IGFL2: variants seen among roughly 807,000 people sequenced by gnomAD.
IGFL2 encodes the protein IGF like family member 2, also known as insulin growth factor-like family member 2.
Under a neutral mutation model 13.9 loss-of-function variants are expected in IGFL2, and 7 were observed. The observed-to-expected ratio is 0.51, with a 90% confidence interval of 0.29 to 0.95. The LOEUF (loss-of-function observed/expected upper bound fraction) is 0.95, where lower values mean the gene tolerates loss of function less well. IGFL2 is among the 40% of genes least tolerant of loss of function. IGFL2 has a pLI of 0.08. For missense variants in IGFL2, 138 were observed against 147.8 expected (o/e 0.93, Z 0.34); for synonymous variants, 55 against 55.8 (o/e 0.99, Z 0.07).
the IGFL2 span, among the ~76,000 whole-genome samples, chr19:46,176,609 C>T: frequency 6.6e-6 from 1 of 152,282 alleles, no homozygotes; most frequent in African/African-American, 2.4e-5. Context: ...GGCATCTGAA[C>T]CTGGAATAAC....
chr19:46,110,455 T>C, the IGFL2 span, among the ~76,000 whole-genome samples: 11 of 152,358 alleles, frequency 7.2e-5, no homozygotes, highest in African/African-American at 2.4e-4. Context: ...GGTTTTATGA[T>C]ACATCAAAAA....
At chr19:46,079,036 A>C in the IGFL2 span, among the ~76,000 whole-genome samples, 1 of 28,368 alleles carries the variant, frequency 3.5e-5, no homozygotes, top group Non-Finnish European at 6.7e-5. Context: ...AGGCGTCGTC[A>C]GTAGACATCG....
downstream of IGFL2, among the ~76,000 whole-genome samples, chr19:46,161,578 A>G (rs1974175565): frequency 6.6e-6 from 1 of 152,134 alleles, no homozygotes; most frequent in Admixed American, 6.5e-5. Flanking sequence ...CCATTATGTG[A>G]TGCCCTTCTT....
the IGFL2 span, chr19:46,197,148 G>T: frequency 4.4e-6 from 1 of 228,738 alleles, no homozygotes; most frequent in South Asian, 6.5e-5. Context: ...GGGACCCAGA[G>T]GGGTGGAACT....
chr19:46,108,934 C>T, the IGFL2 span, among the ~76,000 whole-genome samples: 3 of 152,164 alleles, frequency 2.0e-5, no homozygotes, highest in East Asian at 1.9e-4. Flanking sequence ...GTGAAAAGAC[C>T]GCTTACCTGA....
At chr19:46,157,682 A>G (rs1973898785) in intron 1 of IGFL2, among the ~76,000 whole-genome samples, 1 of 152,250 alleles carries the variant, frequency 6.6e-6, no homozygotes, top group Middle Eastern at 3.2e-3. Flanking sequence ...ATAATAAGTA[A>G]TGGTGAAAAA....
chr19:46,094,039 T>TTA, the IGFL2 span, among the ~76,000 whole-genome samples: 4 of 150,180 alleles, frequency 2.7e-5, no homozygotes, highest in Non-Finnish European at 5.9e-5. Context: ...GGAGGATTTT[T>TTA]TTTTTTTTTT....
the IGFL2 span, among the ~76,000 whole-genome samples, chr19:46,193,496 A>G: frequency 3.9e-5 from 6 of 152,192 alleles, no homozygotes; most frequent in Non-Finnish European, 1.5e-5. Context: ...AAGAGTAGTG[A>G]TGCTGGCAAT....
upstream of IGFL2, among the ~76,000 whole-genome samples, chr19:46,143,647 G>A (rs1037124441): frequency 4.6e-5 from 7 of 152,116 alleles, no homozygotes; most frequent in African/African-American, 1.4e-4. Context: ...TCCACACATT[G>A]TTCAAGAGTC....
chr19:46,115,656 T>C, the IGFL2 span, among the ~76,000 whole-genome samples: 2 of 152,154 alleles, frequency 1.3e-5, no homozygotes, highest in African/African-American at 4.8e-5. Flanking sequence ...CCCGACTCTC[T>C]GTGTAATTTA....
chr19:46,090,913 C>T, the IGFL2 span, among the ~76,000 whole-genome samples: 807 of 152,190 alleles, frequency 5.3e-3, 8 homozygotes, highest in Non-Finnish European at 5.0e-3. Flanking sequence ...TATTAGGGTC[C>T]AAGGCAAAAT....
chr19:46,136,780 C>T, the IGFL2 span: 4 of 646,208 alleles, frequency 6.2e-6, no homozygotes, highest in Non-Finnish European at 1.2e-5. Context: ...TCTGTCTCTC[C>T]AACCCGTTTG....
At chr19:46,160,373 C>T in intron 1 of IGFL2, 42 bp from the exon 2 acceptor site, 1 of 1,581,632 alleles carries the variant, frequency 6.3e-7, no homozygotes, top group East Asian at 2.3e-5. Context: ...CTAGTGGCCA[C>T]ACTTCCAGCC....
At chr19:46,189,656 C>T in the IGFL2 span, 1 of 152,414 alleles carries the variant, frequency 6.6e-6, no homozygotes, top group African/African-American at 2.4e-5. Flanking sequence ...ATAGAAGGCT[C>T]ACACTCTTGT....
At chr19:46,157,959 T>C (rs1352473613) in intron 1 of IGFL2, among the ~76,000 whole-genome samples, 1 of 152,124 alleles carries the variant, frequency 6.6e-6, no homozygotes, top group African/African-American at 2.4e-5. Flanking sequence ...AAGATCAACA[T>C]AGAAAAAATC....
chr19:46,123,742 GCTT>G, the IGFL2 span: 36 of 876,384 alleles, frequency 4.1e-5, 1 homozygote, highest in Non-Finnish European at 5.1e-5. Context: ...TAGCTTATCT[GCTT>G]CTTCTTTTTG....
At position 46,149,177 on chromosome 19, in the gene IGFL2, TCTCTCTCTCTTTCTCTCTCC is replaced by T. The variant is rs1568424226; in HGVS notation, c.19+887_19+906del. 906 of 192,340 alleles carry T rather than the reference TCTCTCTCTCTTTCTCTCTCC, an allele frequency of 4.7e-3. 4 individuals carry two copies. Among genetic ancestry groups the T allele is most frequent in the Non-Finnish European group, 2.4e-3 (164 of 69,346 alleles). The allele number at this position is 192,340 out of a possible 1,614,324, so 11.9% of individuals were successfully genotyped here. On this transcript the variant is annotated intron_variant, in intron 1 of 3. Transcript: ENST00000377693. Reference sequence around the variant, plus strand: ...CTCTCTCTCTTCTCTCTCTCTCTCTTCTCTCTCTCTTTCTCTCTCCCTCTCTTTCTCTCTCCCTCTCTTTT... The same window carrying T: ...CTCTCTCTCTTCTCTCTCTCTCTCTTCTCTCTTTCTCTCTCCCTCTCTTTT...
At chr19:46,127,495 C>G in the IGFL2 span, among the ~76,000 whole-genome samples, 1 of 152,212 alleles carries the variant, frequency 6.6e-6, no homozygotes, top group Non-Finnish European at 1.5e-5. Flanking sequence ...AAATAACTTT[C>G]TGTCTGGCAC....
chr19:46,099,099 A>G, the IGFL2 span, among the ~76,000 whole-genome samples: 1 of 152,254 alleles, frequency 6.6e-6, no homozygotes, highest in East Asian at 1.9e-4. Context: ...TTAGCCAAAT[A>G]TGAAATTCTG....
Sources: gnomAD v4.1 joint callset for allele counts (sites outside exome capture counted in the v4.1 genomes callset) on GRCh38, gnomAD v4.1.1 for gene constraint, MANE v1.5 for transcripts, NCBI Gene and HGNC (gene_info 2026-07-23, HGNC 2026-07-21) for gene names.